Variants in TMTC2 observed in about 807,000 individuals in gnomAD.
TMTC2 encodes transmembrane O-mannosyltransferase targeting cadherins 2, also known as protein O-mannosyl-transferase TMTC2.
Under a neutral mutation model 82.4 loss-of-function variants are expected in TMTC2, and 43 were observed. The ratio of observed to expected loss-of-function variants is 0.52; its 90% confidence interval spans 0.41 to 0.67. The LOEUF (loss-of-function observed/expected upper bound fraction) is 0.67. TMTC2 is among the 30% of genes least tolerant of loss of function. The pLI is 0.00. For missense variants in TMTC2, 919 were observed against 1,012.4 expected (o/e 0.91, Z 1.25); for synonymous variants, 408 against 381.9 (o/e 1.07, Z -0.80).
At chr12:83,007,610 C>G (rs953428730) in intron 8 of TMTC2, among the ~76,000 whole-genome samples, 11 of 152,114 alleles carry the variant, frequency 7.2e-5, no homozygotes, top group Admixed American at 7.2e-4. Context: ...TTCTACTTAC[C>G]TATATGCTGT....
At position 82,901,273 on chromosome 12, in the gene TMTC2, T is replaced by G. The variant is rs138298479; in HGVS notation, c.1483+4627T>G. The stretch of plus-strand genomic sequence containing the variant: ...TATATATATATCTGGAATATATATA[T>G]AGAGAGAGTAATATATATATATATA... On this transcript the variant is annotated intron_variant, in intron 3 of 11. Transcript: ENST00000321196. Among the ~76,000 whole-genome samples the G allele has an allele frequency of 9.0e-4, 124 of 138,120 alleles. 1 individual carries two copies. Among genetic ancestry groups the G allele is most frequent in the East Asian group, 4.5e-3 (22 of 4,940 alleles). 90.6% of individuals were successfully genotyped at this position (138,120 alleles called of 152,430 possible).
intron 2 of TMTC2, among the ~76,000 whole-genome samples, chr12:82,876,417 T>A (rs1872584334): frequency 6.6e-6 from 1 of 152,146 alleles, no homozygotes; most frequent in South Asian, 2.1e-4. Context: ...TTTAATGATG[T>A]TAATATCTCT....
chr12:82,718,708 C>G (rs2136922936), intron 1 of TMTC2, among the ~76,000 whole-genome samples: 1 of 152,262 alleles, frequency 6.6e-6, no homozygotes, highest in South Asian at 2.1e-4. Flanking sequence ...TCAATGGGTA[C>G]TTCTAAAACA....
At chr12:83,010,054 C>T (rs554645253) in intron 8 of TMTC2, among the ~76,000 whole-genome samples, 12 of 152,278 alleles carry the variant, frequency 7.9e-5, no homozygotes, top group African/African-American at 2.4e-4. Flanking sequence ...ACACACCACT[C>T]ACCTCCTGCT....
rs549613216 is a variant in TMTC2, at chr12:83,132,463, G to A, written c.*74G>A. ...TTAGCAGACAGAACTTCCCAGCAGTGCTATGACAAGAGCTGGTGTTAGACT... is the reference window on the plus strand; with the variant it reads ...TTAGCAGACAGAACTTCCCAGCAGTACTATGACAAGAGCTGGTGTTAGACT... On this transcript the variant is annotated 3_prime_UTR_variant, in exon 12 of 12. Coordinates refer to ENST00000321196, the MANE Select transcript of TMTC2 (RefSeq NM_152588.3). The A allele has an allele frequency of 2.0e-6, 3 of 1,525,674 alleles. No individual in the cohort carries two copies. Among genetic ancestry groups the A allele is most frequent in the Non-Finnish European group, 2.7e-6 (3 of 1,118,292 alleles). 94.5% of individuals were successfully genotyped at this position (1,525,674 alleles called of 1,614,324 possible). A position where few individuals can be genotyped will look rare whatever the true frequency, so the allele number is the denominator to read the frequency against.
intron 11 of TMTC2, among the ~76,000 whole-genome samples, chr12:83,089,354 G>A (rs1240971440): frequency 6.6e-6 from 1 of 152,082 alleles, no homozygotes; most frequent in Non-Finnish European, 1.5e-5. Context: ...GCATGGGGTT[G>A]GTGTGAGAAT....
intron 4 of TMTC2, among the ~76,000 whole-genome samples, chr12:82,959,491 ACAGAACCTGGAATC>A (rs1877798691): frequency 6.6e-6 from 1 of 152,166 alleles, no homozygotes; most frequent in South Asian, 2.1e-4. Context: ...GACCAGTGGA[ACAGAACCTGGAATC>A]CAGAAATAAA....
intron 1 of TMTC2, among the ~76,000 whole-genome samples, chr12:82,823,672 T>A (rs1869240332): frequency 6.6e-6 from 1 of 152,228 alleles, no homozygotes. Context: ...TTCTAATCCT[T>A]AGTTCAGATG....
Position 83,057,719 on chromosome 12 carries a change from T to TA in TMTC2, c.2268-4040dup, listed in dbSNP as rs398116681. On this transcript the variant is annotated intron_variant, in intron 10 of 11. Transcript: ENST00000321196. ...ACATGAACAACAATCTCTCTCCAGTTAAAAAAAAATGCTCATAAGCTATTC... is the reference window on the plus strand; with the variant it reads ...ACATGAACAACAATCTCTCTCCAGTTAAAAAAAAAATGCTCATAAGCTATTC... Among the ~76,000 whole-genome samples the TA allele has an allele frequency of 3.1e-3, 473 of 150,692 alleles. 3 individuals carry two copies. Among genetic ancestry groups the TA allele is most frequent in the African/African-American group, 0.01 (421 of 41,168 alleles).
intron 11 of TMTC2, among the ~76,000 whole-genome samples, chr12:83,085,805 T>A (rs548052138): frequency 6.6e-6 from 1 of 152,352 alleles, no homozygotes; most frequent in South Asian, 2.1e-4. Flanking sequence ...TTTTCTATAA[T>A]TTTCTTGCTT....
At chr12:83,024,969 A>G (rs1212536745) in intron 8 of TMTC2, among the ~76,000 whole-genome samples, 1 of 152,210 alleles carries the variant, frequency 6.6e-6, no homozygotes, top group African/African-American at 2.4e-5. Context: ...CGGCAGCTGG[A>G]TCACTTGAGG....
intron 1 of TMTC2, among the ~76,000 whole-genome samples, chr12:82,744,444 T>C (rs1875575660): frequency 6.6e-6 from 1 of 152,000 alleles, no homozygotes; most frequent in African/African-American, 2.4e-5. Flanking sequence ...TAGCTGGGCA[T>C]GGTGGCACAC....
chr12:82,765,567 A>G (rs1282672115), intron 1 of TMTC2, among the ~76,000 whole-genome samples: 2 of 152,114 alleles, frequency 1.3e-5, no homozygotes, highest in Non-Finnish European at 2.9e-5. Context: ...CCAGCTACTC[A>G]GGAGGCTAAG....
At chr12:82,897,366 CT>C (rs1873738688) in intron 3 of TMTC2, among the ~76,000 whole-genome samples, 1 of 151,964 alleles carries the variant, frequency 6.6e-6, no homozygotes, top group Admixed American at 6.6e-5. Flanking sequence ...AAGTAGTTTC[CT>C]TTAAAATAAA....
intron 11 of TMTC2, among the ~76,000 whole-genome samples, chr12:83,073,925 TCTGGTGCCTCC>T (rs1883198060): frequency 6.6e-6 from 1 of 152,212 alleles, no homozygotes; most frequent in South Asian, 2.1e-4. Flanking sequence ...TTTGTCTTTC[TCTGGTGCCTCC>T]CTGATTGGCT....
intron 1 of TMTC2, among the ~76,000 whole-genome samples, chr12:82,751,858 G>A (rs778615344): frequency 1.3e-5 from 2 of 152,088 alleles, no homozygotes; most frequent in Non-Finnish European, 2.9e-5. Context: ...ATTTTGGATG[G>A]TTCCAGTTAA....
At chr12:83,100,739 A>G (rs1430730113) in intron 11 of TMTC2, among the ~76,000 whole-genome samples, 1 of 152,124 alleles carries the variant, frequency 6.6e-6, no homozygotes, top group African/African-American at 2.4e-5. Context: ...ATGTGGGCCT[A>G]TTCTCTGTTT....
chr12:82,839,762 G>A (rs1870235656), intron 1 of TMTC2, among the ~76,000 whole-genome samples: 1 of 152,148 alleles, frequency 6.6e-6, no homozygotes, highest in South Asian at 2.1e-4. Flanking sequence ...CTTCTGATGA[G>A]TCTGCTTCCC....
intron 4 of TMTC2, among the ~76,000 whole-genome samples, chr12:82,960,301 C>G (rs1174082883): frequency 6.6e-6 from 1 of 152,054 alleles, no homozygotes; most frequent in Non-Finnish European, 1.5e-5. Context: ...AGGAAAATAA[C>G]TCATTCAATC....
Sources: gnomAD v4.1 joint callset for allele counts (sites outside exome capture counted in the v4.1 genomes callset) on GRCh38, gnomAD v4.1.1 for gene constraint, MANE v1.5 for transcripts, NCBI Gene and HGNC (gene_info 2026-07-23, HGNC 2026-07-21) for gene names.